Variants in NUMB observed in about 807,000 individuals in gnomAD.
NUMB encodes the protein protein numb homolog.
In NUMB, 29 loss-of-function variants were observed where a neutral mutation model predicts 59.7. The ratio of observed to expected loss-of-function variants is 0.49; its 90% CI spans 0.36 to 0.66. The LOEUF (loss-of-function observed/expected upper bound fraction) is 0.66, where lower values mean the gene tolerates loss of function less well. Ranked by LOEUF, NUMB falls within the 30% of genes least tolerant of loss-of-function variation. The probability of loss-of-function intolerance (pLI) is 0.00; values close to 1 mark genes in which losing one functional copy is unlikely to be tolerated. For missense variants in NUMB, 723 were observed against 822.0 expected, an observed-to-expected ratio of 0.88 and a Z score of 1.47; for synonymous variants, 288 against 288.2, an observed-to-expected ratio of 1.00 and a Z score of 0.01.
intron 1 of NUMB, among the ~76,000 whole-genome samples, chr14:73,427,578 G>C (rs570118163): frequency 1.3e-5 from 2 of 152,168 alleles, no homozygotes; most frequent in South Asian, 4.1e-4. Flanking sequence ...TCTAAACTTT[G>C]TTCTAGAATT....
chr14:73,286,137 GT>G (rs1409548293), intron 9 of NUMB: 3 of 148,834 alleles, frequency 2.0e-5, no homozygotes, highest in Non-Finnish European at 4.4e-5. Flanking sequence ...CAATCCTCTG[GT>G]CTCAGCCTCC....
intron 12 of NUMB, among the ~76,000 whole-genome samples, chr14:73,278,065 A>AAC (rs1888320519): frequency 6.6e-6 from 1 of 151,318 alleles, no homozygotes; most frequent in Admixed American, 6.6e-5. Context: ...AAAAAAAAAA[A>AAC]AAACACCTAG....
In NUMB at chr14:73,393,285, C is replaced by CCACAGCT. The variant is rs1429096669; in HGVS notation, c.-101+16651_-101+16652insAGCTGTG. On this transcript the variant is annotated intron_variant, in intron 2 of 12. Transcript: ENST00000555238. Reference sequence around the variant, plus strand: ...GACTAAGGCTAGACAGCTATCCAGTCTACCACACTGTAGTGGAAGGTAAGA... The same window carrying CCACAGCT: ...GACTAAGGCTAGACAGCTATCCAGTCCACAGCTTACCACACTGTAGTGGAAGGTAAGA... 1.2e-3 allele frequency among the ~76,000 whole-genome samples: 176 copies of CCACAGCT among 152,298 alleles called. 1 individual carries two copies. The highest frequency in any genetic ancestry group is 2.0e-3 in the Non-Finnish European group (134 of 68,022).
chr14:73,376,873 G>A (rs1404111649), intron 2 of NUMB, among the ~76,000 whole-genome samples: 1 of 152,184 alleles, frequency 6.6e-6, no homozygotes, highest in Non-Finnish European at 1.5e-5. Context: ...ACAACATGGT[G>A]AGACTCCCAT....
intron 3 of NUMB, 58 bp downstream of exon 3, chr14:73,366,839 T>TA (rs1191695574): frequency 6.6e-6 from 1 of 152,248 alleles, no homozygotes; most frequent in Non-Finnish European, 1.5e-5. Flanking sequence ...CACAGGTTGA[T>TA]ACTTCACAGC....
At chr14:73,335,977 T>C (rs891410141) in intron 4 of NUMB, among the ~76,000 whole-genome samples, 5 of 152,228 alleles carry the variant, frequency 3.3e-5, no homozygotes, top group African/African-American at 1.2e-4. Flanking sequence ...TGGACTACAA[T>C]TCCATCTGAA....
chr14:73,308,695 G>C (rs1468939209), intron 6 of NUMB, among the ~76,000 whole-genome samples: 3 of 152,182 alleles, frequency 2.0e-5, no homozygotes, highest in Non-Finnish European at 4.4e-5. Context: ...TTACATAAAT[G>C]ATATTTAAAG....
chr14:73,367,348 T>TATATATATATAGAG (rs1555375287), intron 2 of NUMB, among the ~76,000 whole-genome samples: 49 of 105,300 alleles, frequency 4.7e-4, no homozygotes, highest in East Asian at 1.2e-3. Context: ...TATATATATA[T>TATATATATATAGAG]AGAGAGAGAG....
chr14:73,445,999 CTTTT>C (rs746539232), intron 1 of NUMB, among the ~76,000 whole-genome samples: 3 of 139,850 alleles, frequency 2.1e-5, no homozygotes, highest in African/African-American at 5.3e-5. Context: ...ATAACTTTTT[CTTTT>C]TTTTTTTTTT....
At position 73,398,415 on chromosome 14, in the gene NUMB, A is replaced by AGAGTGTGTGT. The variant is rs1438462148; in HGVS notation, c.-101+11521_-101+11522insACACACACTC. Among the ~76,000 whole-genome samples, 105 of 118,874 alleles carry AGAGTGTGTGT rather than the reference A, an allele frequency of 8.8e-4. 1 individual carries two copies. The highest frequency in any genetic ancestry group is 4.0e-3 in the Middle Eastern group (1 of 252). The allele number at this position is 118,874 out of a possible 152,430, so 78.0% of individuals were successfully genotyped here. A position where few individuals can be genotyped will look rare whatever the true frequency, so the allele number is the denominator to read the frequency against. ...CACAGAGAGAGAGAGAGAGAGAGAG[A>AGAGTGTGTGT]GTGTGTGTGTGTGTGTGTGTGTGTG... On this transcript the variant is annotated intron_variant, in intron 2 of 12. Transcript: ENST00000555238.
chr14:73,371,837 T>G (rs1439394213), intron 2 of NUMB, among the ~76,000 whole-genome samples: 5 of 152,190 alleles, frequency 3.3e-5, no homozygotes, highest in Admixed American at 3.3e-4. Flanking sequence ...TACCTTGATC[T>G]TGGACTTTCC....
chr14:73,383,298 C>CA (rs1895341368), intron 2 of NUMB, among the ~76,000 whole-genome samples: 2 of 149,524 alleles, frequency 1.3e-5, no homozygotes, highest in African/African-American at 2.5e-5. Context: ...TCTATGAAAA[C>CA]AAAAAAAAAG....
At chr14:73,384,551 T>C (rs1433137916) in intron 2 of NUMB, among the ~76,000 whole-genome samples, 1 of 151,980 alleles carries the variant, frequency 6.6e-6, no homozygotes, top group Non-Finnish European at 1.5e-5. Flanking sequence ...AAAGAAGAAA[T>C]ACATGCATAA....
chr14:73,402,532 T>C lies in NUMB; in HGVS notation c.-101+7405A>G, dbSNP rs566298398. Reference sequence around the variant, plus strand: ...TAACTAGGAATCAAATATAATCTTCTACTATAAAGTCTGTGCTCTCTCACT... The same window carrying C: ...TAACTAGGAATCAAATATAATCTTCCACTATAAAGTCTGTGCTCTCTCACT... On this transcript the variant is annotated intron_variant, in intron 2 of 12. Transcript: ENST00000555238. 1.2e-3 allele frequency among the ~76,000 whole-genome samples: 176 copies of C among 152,324 alleles called. 2 individuals are homozygous for C. The highest frequency in any genetic ancestry group is 3.9e-3 in the African/African-American group (163 of 41,572).
At chr14:73,358,625 T>G (rs1893940715) in intron 3 of NUMB, among the ~76,000 whole-genome samples, 1 of 126,744 alleles carries the variant, frequency 7.9e-6, no homozygotes, top group South Asian at 2.5e-4. Flanking sequence ...TTTTTTTTTT[T>G]GACAAGCCCC....
intron 2 of NUMB, among the ~76,000 whole-genome samples, chr14:73,404,327 T>C (rs1415238762): frequency 1.3e-5 from 2 of 151,862 alleles, no homozygotes; most frequent in South Asian, 2.1e-4. Flanking sequence ...GTCAAGACTC[T>C]TGTTGAAAAA....
chr14:73,314,707 C>T (rs754794842), intron 6 of NUMB, among the ~76,000 whole-genome samples: 5 of 151,958 alleles, frequency 3.3e-5, no homozygotes, highest in South Asian at 2.1e-4. Flanking sequence ...TTATCTATGA[C>T]GCCTTATCTT....
chr14:73,391,316 G>A (rs1479005055), intron 2 of NUMB, among the ~76,000 whole-genome samples: 2 of 145,574 alleles, frequency 1.4e-5, no homozygotes, highest in African/African-American at 5.1e-5. Context: ...CATCTCCTTA[G>A]AACTGAAATG....
In NUMB at chr14:73,409,995, T is replaced by C. The variant is rs951686565; in HGVS notation, c.-159A>G. 1 of 152,240 alleles carries C rather than the reference T, an allele frequency of 6.6e-6. No individual in the cohort carries two copies. Among genetic ancestry groups the C allele is most frequent in the Admixed American group, 6.5e-5 (1 of 15,276 alleles). 9.4% of individuals were successfully genotyped at this position (152,240 alleles called of 1,614,324 possible). A position where few individuals can be genotyped will look rare whatever the true frequency, so the allele number is the denominator to read the frequency against. ...CCACCAATATTCCAATCTATGGATA[T>C]AGATCAAGATCTTGAATTGTAACAG... On this transcript the variant is annotated 5_prime_UTR_variant, in exon 2 of 13. Transcript: ENST00000555238.
Sources: gnomAD v4.1 joint callset for allele counts (sites outside exome capture counted in the v4.1 genomes callset) on GRCh38, gnomAD v4.1.1 for gene constraint, MANE v1.5 for transcripts, NCBI Gene and HGNC (gene_info 2026-07-23, HGNC 2026-07-21) for gene names.